The following HSPA14 variants were observed in gnomAD, a reference collection of about 807,000 sequenced individuals.
HSPA14 encodes the protein heat shock protein family A (Hsp70) member 14, also known as heat shock 70 kDa protein 14.
Under a neutral mutation model 65.5 loss-of-function variants are expected in HSPA14, and 37 were observed. That is an observed-to-expected ratio of 0.56 (90% CI 0.43 to 0.74). The LOEUF is 0.74. HSPA14 is among the 30% of genes least tolerant of loss of function. The pLI is 0.00. For missense variants in HSPA14, 564 were observed against 607.6 expected (o/e 0.93, Z 0.75); for synonymous variants, 203 against 214.2 (o/e 0.95, Z 0.46).
rs1255540339 is a variant in HSPA14 at position 14,846,151 on chromosome 10, G to A, written c.222-2458G>A. ...TACTTTAAAAGAGCATATATTTAAG[G>A]CATTGAAATGGATACAGCTATATTC... On this transcript the variant is annotated intron_variant, in intron 3 of 13. Coordinates refer to ENST00000378372, the MANE Select transcript of HSPA14 (RefSeq NM_016299.4). 4.1e-6 allele frequency: 4 copies of A among 984,302 alleles called. No homozygotes were observed. In the Admixed American group the frequency reaches 2.5e-4, roughly 61 times the overall value. The allele number at this position is 984,302 out of a possible 1,614,324, so 61.0% of individuals were successfully genotyped here.
At chr10:14,866,369 C>T (rs909157568) in intron 10 of HSPA14, among the ~76,000 whole-genome samples, 65 of 152,084 alleles carry the variant, frequency 4.3e-4, no homozygotes, top group African/African-American at 1.4e-3. Context: ...CCTCAGTGAG[C>T]GGTGAGATCA....
intron 1 of HSPA14, chr10:14,838,718 T>G: frequency 2.1e-6 from 1 of 467,654 alleles, no homozygotes; most frequent in Non-Finnish European, 3.8e-6. Context: ...GGCGGCGGGA[T>G]GCCCGGAGGG....
rs750947867 is a variant in HSPA14 at position 14,852,406 on chromosome 10, A to G, written c.609A>G (p.Leu203=). 6.2e-7 allele frequency: 1 copy of G among 1,613,884 alleles called. No individual in the cohort carries two copies. The highest frequency in any genetic ancestry group is 1.1e-5 in the South Asian group (1 of 91,062). The change falls in exon 8 of 14, where the codon TTA becomes TTG. Residue 203 remains leucine, a synonymous_variant. Transcript: ENST00000378372. ...TGTTTAAGCTTGGAGGAACATCCTT[A>G]TCTCTCAGCGTCATGGAAGTTAACA... is the stretch of plus-strand genomic sequence containing the variant. ...ILVFKLGGTS[L]SLSVMEVNSG...
At chr10:14,860,891 A>C (rs969442335) in intron 10 of HSPA14, among the ~76,000 whole-genome samples, 1 of 152,200 alleles carries the variant, frequency 6.6e-6, no homozygotes. Context: ...AAGAGATCCC[A>C]GGATGGGATC....
intron 3 of HSPA14, chr10:14,845,141 G>T: frequency 1.0e-6 from 1 of 985,440 alleles, no homozygotes. Flanking sequence ...ACACACTGGG[G>T]AGAGATGAAG....
chr10:14,869,703 TA>T (rs1262209435), intron 12 of HSPA14, among the ~76,000 whole-genome samples: 1 of 152,232 alleles, frequency 6.6e-6, no homozygotes, highest in Non-Finnish European at 1.5e-5. Flanking sequence ...GGTAAAGTTT[TA>T]AAAGCGCTTC....
Position 14,846,522 on chromosome 10 carries a change from T to A in HSPA14, c.222-2087T>A, listed in dbSNP as rs192173959. 4.3e-5 allele frequency: 42 copies of A among 985,386 alleles called. No individual in the cohort carries two copies. In the East Asian group the frequency reaches 3.3e-3, roughly 77 times the overall value. 61.0% of individuals were successfully genotyped at this position (985,386 alleles called of 1,614,324 possible). ...GGGAAATTGGAATACAGGGAGACAG[T>A]GTGCAAGAAAGCAAGCCAGGAATCT... On this transcript the variant is annotated intron_variant, in intron 3 of 13. Coordinates refer to ENST00000378372, the MANE Select transcript of HSPA14 (RefSeq NM_016299.4).
At chr10:14,864,893 C>T (rs763689213) in intron 10 of HSPA14, among the ~76,000 whole-genome samples, 5 of 152,282 alleles carry the variant, frequency 3.3e-5, no homozygotes, top group Admixed American at 1.3e-4. Flanking sequence ...CCTGAGGAAT[C>T]GCCACACTGT....
chr10:14,844,244 G>T, intron 3 of HSPA14: 1 of 1,077,234 alleles, frequency 9.3e-7, no homozygotes, highest in Non-Finnish European at 1.2e-6. Flanking sequence ...TACCTCACAG[G>T]GTTGTTGTGA....
intron 12 of HSPA14, 110 bp downstream of exon 12, chr10:14,868,019 AT>A (rs1214021884): frequency 2.5e-6 from 2 of 802,700 alleles, no homozygotes; most frequent in African/African-American, 1.8e-5. Context: ...CACCTAATAC[AT>A]TTTTATGAAG....
chr10:14,871,593 A>T lies in HSPA14; in HGVS notation c.1517A>T (p.Glu506Val), dbSNP rs759985609. Residue 506 changes from glutamate (E) to valine (V), a missense_variant, in exon 14 of 14, where the codon GAG (glutamate) becomes GTG (valine). Coordinates refer to ENST00000378372, the MANE Select transcript of HSPA14 (RefSeq NM_016299.4). ...ETGKCEAISIEIAS is the reference protein window; with the variant it reads ...ETGKCEAISIVIAS ...GGAAAATGTGAAGCAATCTCTATTG[A>T]GATAGCATCTTAGTGTTTTAGAGAA... The T allele has an allele frequency of 2.5e-6, 4 of 1,568,730 alleles. No homozygotes were observed. Among genetic ancestry groups the T allele is most frequent in the Non-Finnish European group, 3.5e-6 (4 of 1,146,038 alleles).
intron 10 of HSPA14, among the ~76,000 whole-genome samples, chr10:14,865,351 C>T (rs1243366194): frequency 6.6e-6 from 1 of 151,358 alleles, no homozygotes; most frequent in Admixed American, 6.6e-5. Flanking sequence ...TCAATTTTGG[C>T]TTTTGTTGCC....
chr10:14,844,245 G>C, intron 3 of HSPA14: 1 of 1,076,154 alleles, frequency 9.3e-7, no homozygotes, highest in South Asian at 1.9e-5. Flanking sequence ...ACCTCACAGG[G>C]TTGTTGTGAG....
In HSPA14 at chr10:14,839,911, C is replaced by T. The variant is rs1348700868; in HGVS notation, c.64C>T (p.Arg22Trp). Residue 22 changes from arginine to tryptophan, a missense_variant, in exon 2 of 14, where the codon CGG becomes TGG. Transcript: ENST00000378372. ...SACVAVYKDG[R>W]AGVVANDAGD... ...TTCGTGTTTTTTTCTCTAGGATGGC[C>T]GGGCTGGTGTGGTTGCAAATGATGC... The T allele has an allele frequency of 4.3e-6, 7 of 1,611,994 alleles. No homozygotes were observed. Among genetic ancestry groups the T allele is most frequent in the Non-Finnish European group, 4.2e-6 (5 of 1,178,798 alleles).
intron 3 of HSPA14, 73 bp from the exon 4 acceptor site, chr10:14,848,536 G>T: frequency 9.3e-7 from 1 of 1,071,066 alleles, no homozygotes; most frequent in Non-Finnish European, 1.4e-6. Flanking sequence ...GTGAAATACA[G>T]TCTTCTCTAA....
chr10:14,853,164 T>A (rs1424033852), intron 8 of HSPA14, among the ~76,000 whole-genome samples: 1 of 152,148 alleles, frequency 6.6e-6, no homozygotes, highest in Non-Finnish European at 1.5e-5. Flanking sequence ...CTTGAAAAAG[T>A]CATAATGTCT....
intron 3 of HSPA14, chr10:14,845,316 A>T (rs1834035341): frequency 1.0e-5 from 10 of 985,276 alleles, no homozygotes; most frequent in Non-Finnish European, 1.2e-5. Flanking sequence ...AAAAATAACA[A>T]AGAGTGGGCA....
At chr10:14,844,521 C>T in intron 3 of HSPA14, 1 of 987,310 alleles carries the variant, frequency 1.0e-6, no homozygotes, top group Non-Finnish European at 1.2e-6. Flanking sequence ...GTACCTTAAT[C>T]TCTTACATTT....
intron 10 of HSPA14, among the ~76,000 whole-genome samples, chr10:14,856,990 G>A (rs1832707450): frequency 6.6e-6 from 1 of 152,014 alleles, no homozygotes; most frequent in South Asian, 2.1e-4. Context: ...GTATGCATAG[G>A]TTTGTTTGCT....
Sources: gnomAD v4.1 joint callset for allele counts (sites outside exome capture counted in the v4.1 genomes callset) on GRCh38, gnomAD v4.1.1 for gene constraint, MANE v1.5 for transcripts, NCBI Gene and HGNC (gene_info 2026-07-23, HGNC 2026-07-21) for gene names.